RNF122: variants seen among roughly 807,000 people sequenced by gnomAD.
The protein encoded by RNF122 is ring finger protein 122.
In RNF122, 17 loss-of-function variants were observed where a neutral mutation model predicts 24.2. That is an observed-to-expected ratio of 0.70 (90% CI 0.48 to 1.06). RNF122 has a LOEUF of 1.06. Among genes scored for constraint, RNF122 ranks in the 50% least tolerant of loss-of-function variants. The pLI is 0.00. For missense variants in RNF122, 168 were observed against 198.1 expected (o/e 0.85, Z 0.91); for synonymous variants, 65 against 71.8 (o/e 0.91, Z 0.48).
At chr8:33,555,997 A>T (rs1810445624) in intron 2 of RNF122, among the ~76,000 whole-genome samples, 2 of 151,956 alleles carry the variant, frequency 1.3e-5, no homozygotes, top group African/African-American at 4.8e-5. Context: ...GTGAAACCTC[A>T]TCGCTACAAA....
intron 1 of RNF122, among the ~76,000 whole-genome samples, chr8:33,559,179 C>T (rs1214759716): frequency 4.6e-5 from 7 of 151,912 alleles, no homozygotes; most frequent in Non-Finnish European, 7.4e-5. Context: ...GCATGTACTA[C>T]CATGTAGTCC....
At chr8:33,561,279 G>A (rs1489314247) in intron 1 of RNF122, among the ~76,000 whole-genome samples, 4 of 152,038 alleles carry the variant, frequency 2.6e-5, no homozygotes, top group Non-Finnish European at 5.9e-5. Context: ...AATTCTATAC[G>A]CTAATAACCA....
In RNF122 at chr8:33,551,044, C is replaced by T. The variant is rs1199283976; in HGVS notation, c.270G>A (p.Gly90=). The part of the protein sequence containing the change: ...KGDAKKLQLY[G]QTCAVCLEDF... ...CTGCACACTTTCCTGGCACACTTAC[C>T]CCATATAATTGTAACTTCTTGGCAT... The change falls in exon 4 of 6, where the codon GGG becomes GGA. Residue 90 remains glycine (G), a splice_region_variant and synonymous_variant. Transcript: ENST00000256257. The T allele has an allele frequency of 1.2e-6, 2 of 1,613,904 alleles. No homozygotes were observed. Among genetic ancestry groups the T allele is most frequent in the Admixed American group, 1.7e-5 (1 of 59,978 alleles).
chr8:33,563,075 T>G (rs1360197079), intron 1 of RNF122, among the ~76,000 whole-genome samples: 2 of 149,750 alleles, frequency 1.3e-5, no homozygotes, highest in Admixed American at 1.3e-4. Context: ...ATGGCGCCAC[T>G]GTGCCCCAGC....
chr8:33,556,833 C>G (rs906074947), intron 2 of RNF122, among the ~76,000 whole-genome samples: 2 of 152,134 alleles, frequency 1.3e-5, no homozygotes, highest in Non-Finnish European at 1.5e-5. Flanking sequence ...GTTTCAGGGA[C>G]CTGTGTGAAA....
chr8:33,557,300 C>G (rs190577765), intron 2 of RNF122, among the ~76,000 whole-genome samples: 29 of 152,302 alleles, frequency 1.9e-4, no homozygotes, highest in South Asian at 8.3e-4. Context: ...GATTCCCATT[C>G]TAAATACCAG....
chr8:33,561,611 T>C (rs1810541582), intron 1 of RNF122, among the ~76,000 whole-genome samples: 1 of 152,020 alleles, frequency 6.6e-6, no homozygotes, highest in Non-Finnish European at 1.5e-5. Context: ...GGCACTATCT[T>C]GGCTCACTGC....
Position 33,547,979 on chromosome 8 carries a change from T to G in RNF122, c.*774A>C, listed in dbSNP as rs1252010924. The G allele has an allele frequency of 2.9e-4, 2 of 6,970 alleles. No homozygotes were observed. Among genetic ancestry groups the G allele is most frequent in the African/African-American group, 6.0e-4 (1 of 1,672 alleles). The allele number at this position is 6,970 out of a possible 1,614,324, so 0.4% of individuals were successfully genotyped here. On this transcript the variant is annotated 3_prime_UTR_variant, in exon 6 of 6. Transcript: ENST00000256257. ...ACCCCCATCCCCACACCCCTTTTGA[T>G]CAAAAAAAAAAAAAAAAAAAAAAAA...
rs139189108 is a variant in RNF122 at position 33,550,539 on chromosome 8, C to T, written c.270+505G>A. On this transcript the variant is annotated intron_variant, in intron 4 of 5. Transcript: ENST00000256257. Reference sequence around the variant, plus strand: ...ATAGGATATGACTAATTCCTCAAGTCAGAGTTGAGGGGACTCAAGGAACTG... The same window carrying T: ...ATAGGATATGACTAATTCCTCAAGTTAGAGTTGAGGGGACTCAAGGAACTG... Among the ~76,000 whole-genome samples, 4 of 151,220 alleles carry T rather than the reference C, an allele frequency of 2.6e-5. No individual in the cohort carries two copies. The East Asian group carries it at 7.8e-4, about 30-fold the overall frequency.
chr8:33,551,840 A>G (rs145607539), intron 2 of RNF122, among the ~76,000 whole-genome samples: 128 of 152,302 alleles, frequency 8.4e-4, no homozygotes, highest in African/African-American at 2.6e-3. Flanking sequence ...CCCGGAGAAC[A>G]TAAGTATTCT....
intron 2 of RNF122, among the ~76,000 whole-genome samples, chr8:33,552,884 C>T (rs1290834948): frequency 6.6e-6 from 1 of 151,258 alleles, no homozygotes; most frequent in African/African-American, 2.4e-5. Context: ...CATGGCAGAA[C>T]CCCATCTCTA....
In RNF122 at chr8:33,566,994, A is replaced by G. The variant is rs1810637490; in HGVS notation, c.-271T>C. 2.1e-6 allele frequency: 1 copy of G among 484,264 alleles called. No homozygotes were observed. The allele number at this position is 484,264 out of a possible 1,614,324, so 30.0% of individuals were successfully genotyped here. Reference sequence around the variant, plus strand: ...CGCGCCAAGGGCCCCGGGCTGGGGGAATGTGGGGCGCCGCGGGGCGGGGGT... The same window carrying G: ...CGCGCCAAGGGCCCCGGGCTGGGGGGATGTGGGGCGCCGCGGGGCGGGGGT... On this transcript the variant is annotated 5_prime_UTR_variant, in exon 1 of 6. Coordinates refer to ENST00000256257, the MANE Select transcript of RNF122 (RefSeq NM_024787.3).
chr8:33,550,367 C>T (rs1213893065), intron 4 of RNF122, among the ~76,000 whole-genome samples: 1 of 152,160 alleles, frequency 6.6e-6, no homozygotes, highest in African/African-American at 2.4e-5. Flanking sequence ...AATGAGGCCA[C>T]GTCTAGGCAG....
chr8:33,564,016 G>A (rs754437), intron 1 of RNF122, among the ~76,000 whole-genome samples: 81,276 of 152,020 alleles, frequency 0.53, 22,055 homozygotes, highest in African/African-American at 0.6. Flanking sequence ...TAAAGAGGTC[G>A]GTGGGAAGAG....
intron 1 of RNF122, among the ~76,000 whole-genome samples, chr8:33,563,017 GGAGGCAGAGGCTGCAGTGAGCT>G (rs755693941): frequency 1.3e-3 from 195 of 151,806 alleles, no homozygotes; most frequent in Non-Finnish European, 2.4e-3. Flanking sequence ...GTTGAACCCG[GGAGGCAGAGGCTGCAGTGAGCT>G]GAGGCAGAGG....
At chr8:33,554,486 G>A (rs1205480391) in intron 2 of RNF122, among the ~76,000 whole-genome samples, 1 of 152,138 alleles carries the variant, frequency 6.6e-6, no homozygotes, top group South Asian at 2.1e-4. Flanking sequence ...AGAACAGGGA[G>A]GGGCATCAGA....
Position 33,549,396 on chromosome 8 carries a change from A to G in RNF122, c.353+14T>C, listed in dbSNP as rs1345251857. ...TTCTCCTTCGACGGGCACCCTGGAC[A>G]CATTCCCACGTACTTGCGGTGAAAG... On this transcript the variant is annotated intron_variant, in intron 5 of 5. Coordinates refer to ENST00000256257, the MANE Select transcript of RNF122 (RefSeq NM_024787.3). 6.2e-7 allele frequency: 1 copy of G among 1,608,636 alleles called. No homozygotes were observed. Among genetic ancestry groups the G allele is most frequent in the Non-Finnish European group, 8.5e-7 (1 of 1,174,916 alleles).
At chr8:33,560,801 A>C (rs1810529968) in intron 1 of RNF122, among the ~76,000 whole-genome samples, 3 of 152,056 alleles carry the variant, frequency 2.0e-5, no homozygotes, top group African/African-American at 4.8e-5. Flanking sequence ...ATGGTTGCAC[A>C]CATCTGTAAT....
In RNF122 at chr8:33,548,679, G is replaced by C. The variant is rs1253431848; in HGVS notation, c.*74C>G. The C allele has an allele frequency of 1.1e-6, 1 of 916,898 alleles. No individual in the cohort carries two copies. Among genetic ancestry groups the C allele is most frequent in the Non-Finnish European group, 1.8e-6 (1 of 550,830 alleles). The allele number at this position is 916,898 out of a possible 1,614,324, so 56.8% of individuals were successfully genotyped here. A position where few individuals can be genotyped will look rare whatever the true frequency, so the allele number is the denominator to read the frequency against. ...TCGTCATCACCCTACAGTCCTGTTG[G>C]TTGGAGCTGTGCAGAGGGACCAGAC... On this transcript the variant is annotated 3_prime_UTR_variant, in exon 6 of 6. Transcript: ENST00000256257.
Sources: gnomAD v4.1 joint callset for allele counts (sites outside exome capture counted in the v4.1 genomes callset) on GRCh38, gnomAD v4.1.1 for gene constraint, MANE v1.5 for transcripts, NCBI Gene and HGNC (gene_info 2026-07-23, HGNC 2026-07-21) for gene names.